The following FRMD4B variants were observed in gnomAD, a reference collection of about 807,000 sequenced individuals.
The protein encoded by FRMD4B is FERM domain containing 4B.
A neutral mutation model predicts 141.5 loss-of-function variants in FRMD4B; 74 were observed. That is an observed-to-expected ratio of 0.52 (90% confidence interval 0.43 to 0.63). The LOEUF is 0.63. FRMD4B is among the 30% of genes least tolerant of loss of function. FRMD4B has a pLI of 0.00. For synonymous variants in FRMD4B, 506 were observed against 467.9 expected (o/e 1.08, Z -1.05); for missense variants, 1,366 against 1,253.4 (o/e 1.09, Z -1.36).
chr3:69,205,236 G>A (rs1421057042), intron 11 of FRMD4B, among the ~76,000 whole-genome samples: 4 of 151,176 alleles, frequency 2.6e-5, no homozygotes, highest in Admixed American at 6.6e-5. Context: ...GCATGATCAC[G>A]GCTCACTGCA....
At chr3:69,208,980 C>A (rs2093050853) in intron 11 of FRMD4B, among the ~76,000 whole-genome samples, 1 of 152,092 alleles carries the variant, frequency 6.6e-6, no homozygotes, top group South Asian at 2.1e-4. Flanking sequence ...CCCATCTCTA[C>A]TACAAATACA....
At chr3:69,400,616 G>A (rs894563664) in intron 2 of FRMD4B, among the ~76,000 whole-genome samples, 4 of 152,142 alleles carry the variant, frequency 2.6e-5, no homozygotes, top group Non-Finnish European at 4.4e-5. Context: ...AGAAGGCTTT[G>A]GTGTGAGATA....
intron 2 of FRMD4B, among the ~76,000 whole-genome samples, chr3:69,399,606 C>A (rs941009640): frequency 6.6e-6 from 1 of 152,172 alleles, no homozygotes; most frequent in Admixed American, 6.5e-5. Flanking sequence ...TACTGGTCTT[C>A]TTTTGGGTTC....
At chr3:69,305,299 A>G (rs1396734080) in intron 3 of FRMD4B, among the ~76,000 whole-genome samples, 1 of 152,012 alleles carries the variant, frequency 6.6e-6, no homozygotes, top group South Asian at 2.1e-4. Context: ...CATAGTTACA[A>G]GACAAGGCTT....
chr3:69,474,743 C>A (rs1225221248), intron 1 of FRMD4B, among the ~76,000 whole-genome samples: 1 of 152,152 alleles, frequency 6.6e-6, no homozygotes, highest in Non-Finnish European at 1.5e-5. Flanking sequence ...TTTAGGTATA[C>A]TAAGCACATG....
At chr3:69,536,159 G>A in intron 1 of FRMD4B, 1 of 526,750 alleles carries the variant, frequency 1.9e-6, no homozygotes, top group Non-Finnish European at 3.5e-6. Flanking sequence ...CTGCACCTCT[G>A]CTGGCCTCTT....
chr3:69,496,637 A>AGAGAGAGAG (rs1706399949), intron 1 of FRMD4B, among the ~76,000 whole-genome samples: 4 of 56,518 alleles, frequency 7.1e-5, no homozygotes, highest in Admixed American at 2.1e-4. Context: ...GAGAGAGAGA[A>AGAGAGAGAG]AGAGAGAGAG....
At chr3:69,325,865 A>C (rs1702173458) in intron 1 of FRMD4B, among the ~76,000 whole-genome samples, 1 of 152,182 alleles carries the variant, frequency 6.6e-6, no homozygotes, top group East Asian at 1.9e-4. Context: ...ATTAGTGGAA[A>C]TAATGTCTAA....
upstream of FRMD4B, among the ~76,000 whole-genome samples, chr3:69,389,691 A>G (rs1254797493): frequency 6.6e-6 from 1 of 152,166 alleles, no homozygotes; most frequent in Non-Finnish European, 1.5e-5. Context: ...AAGGAAATAC[A>G]ACTTCCTCCA....
chr3:69,434,291 A>G (rs1345830496), intron 1 of FRMD4B, among the ~76,000 whole-genome samples: 2 of 152,360 alleles, frequency 1.3e-5, no homozygotes, highest in South Asian at 2.1e-4. Flanking sequence ...TAAGTGTCCA[A>G]CATAAGCCAT....
At chr3:69,386,232 C>G (rs1367521934), upstream of FRMD4B, 4 of 413,144 alleles carry the variant, frequency 9.7e-6, no homozygotes, top group Non-Finnish European at 1.7e-5. Context: ...CCCCCGCCCG[C>G]TCGCAGCGCC....
chr3:69,203,875 A>C (rs1304014168), intron 11 of FRMD4B, among the ~76,000 whole-genome samples: 1 of 152,190 alleles, frequency 6.6e-6, no homozygotes, highest in Non-Finnish European at 1.5e-5. Flanking sequence ...CAAAAGCAAA[A>C]ACTGCTCTCT....
At chr3:69,404,678 G>A (rs1704621656) in intron 2 of FRMD4B, among the ~76,000 whole-genome samples, 1 of 152,260 alleles carries the variant, frequency 6.6e-6, no homozygotes, top group East Asian at 1.9e-4. Context: ...GGTACTGGGT[G>A]GAGTTGGGCA....
chr3:69,495,461 C>T (rs2107039570), intron 1 of FRMD4B, among the ~76,000 whole-genome samples: 1 of 152,312 alleles, frequency 6.6e-6, no homozygotes, highest in Non-Finnish European at 1.5e-5. Context: ...CTTATGCTCT[C>T]TCTCTGCCCC....
intron 1 of FRMD4B, among the ~76,000 whole-genome samples, chr3:69,496,911 A>G (rs1009369688): frequency 2.0e-5 from 3 of 147,246 alleles, no homozygotes; most frequent in African/African-American, 7.6e-5. Context: ...TTTTTTTATT[A>G]TTATCAATTG....
intron 5 of FRMD4B, among the ~76,000 whole-genome samples, chr3:69,259,414 G>T (rs571666165): frequency 6.6e-6 from 1 of 152,312 alleles, no homozygotes; most frequent in East Asian, 1.9e-4. Flanking sequence ...GCAGCCTGTG[G>T]CCTGGGGGTT....
chr3:69,221,245 G>A (rs916495022), intron 9 of FRMD4B, among the ~76,000 whole-genome samples: 2 of 152,124 alleles, frequency 1.3e-5, no homozygotes, highest in Non-Finnish European at 2.9e-5. Flanking sequence ...TTACAGGCAT[G>A]AGCCACTGTG....
At chr3:69,191,988 T>C (rs1256579417) in intron 17 of FRMD4B, among the ~76,000 whole-genome samples, 4 of 152,210 alleles carry the variant, frequency 2.6e-5, no homozygotes, top group African/African-American at 9.6e-5. Flanking sequence ...TAAACTCACT[T>C]ACCTTATTTC....
intron 19 of FRMD4B, among the ~76,000 whole-genome samples, chr3:69,184,273 A>T (rs951516595): frequency 6.6e-6 from 1 of 152,210 alleles, no homozygotes; most frequent in Admixed American, 6.5e-5. Context: ...TCCTAAGCAC[A>T]TAAACTTATT....
Sources: gnomAD v4.1 joint callset for allele counts (sites outside exome capture counted in the v4.1 genomes callset) on GRCh38, gnomAD v4.1.1 for gene constraint, MANE v1.5 for transcripts, NCBI Gene and HGNC (gene_info 2026-07-23, HGNC 2026-07-21) for gene names.